COG1: variants seen among roughly 807,000 people sequenced by gnomAD.
COG1 encodes conserved oligomeric Golgi complex subunit 1.
COG1 carries 61 observed loss-of-function variants against 102.2 expected under a neutral mutation model. That is an observed-to-expected ratio of 0.60 (90% CI 0.49 to 0.74). The LOEUF is 0.74. Among genes scored for constraint, COG1 ranks in the 30% least tolerant of loss-of-function variants. COG1 has a pLI of 0.00. For synonymous variants in COG1, 454 were observed against 493.6 expected, an observed-to-expected ratio of 0.92 and a Z score of 1.06; for missense variants, 1,164 against 1,232.1, an observed-to-expected ratio of 0.94 and a Z score of 0.83.
At chr17:73,195,003 A>C (rs556646103) in intron 1 of COG1, among the ~76,000 whole-genome samples, 92 of 152,248 alleles carry the variant, frequency 6.0e-4, no homozygotes, top group Non-Finnish European at 1.1e-3. Flanking sequence ...ATAAGTTTGC[A>C]TATTTTTGAA....
At chr17:73,195,783 C>T (rs1044687190) in intron 1 of COG1, among the ~76,000 whole-genome samples, 2 of 152,268 alleles carry the variant, frequency 1.3e-5, no homozygotes, top group Middle Eastern at 3.4e-3. Flanking sequence ...CGTGGCGACA[C>T]GCACCTGCGA....
At chr17:73,205,806 G>A (rs1233353899) in intron 10 of COG1, 126 bp downstream of exon 10, 11 of 1,297,164 alleles carry the variant, frequency 8.5e-6, no homozygotes, top group Non-Finnish European at 1.1e-5. Context: ...TGAACAGTAA[G>A]TGCTCATATT....
chr17:73,199,339 A>AG (rs2061337119), intron 4 of COG1, among the ~76,000 whole-genome samples: 1 of 109,438 alleles, frequency 9.1e-6, no homozygotes, highest in Non-Finnish European at 2.1e-5. Context: ...AACCCCCAGG[A>AG]CTGCATAGCA....
At position 73,206,715 on chromosome 17, in the gene COG1, T is replaced by G. The variant is rs769216650; in HGVS notation, c.2627T>G (p.Phe876Cys). 6 of 1,612,462 alleles carry G rather than the reference T, an allele frequency of 3.7e-6. No individual in the cohort carries two copies. In the East Asian group the frequency reaches 1.3e-4, roughly 36 times the overall value. Residue 876 changes from phenylalanine (F) to cysteine (C), a missense_variant, in exon 12 of 14, where the codon TTT becomes TGT. By Grantham distance (205) the Phe-to-Cys change is radical (BLOSUM62 -2). Transcript: ENST00000299886. ...CCACCTCTTGTCTGCCAGGTTCTGT[T>G]TGGATTGGTGACTGGTACAGAGAAT... The part of the protein sequence containing the change: ...HRLVQRTSVL[F>C]GLVTGTENQL...
rs1568295349 is a variant in COG1, at chr17:73,197,217, T to A, written c.743-9T>A. On this transcript the variant is annotated splice_polypyrimidine_tract_variant and intron_variant, in intron 3 of 13. Transcript: ENST00000299886. Reference sequence around the variant, plus strand: ...TAATTGTTTCAAAGAGGATGGTTTCTTCTTTTAGGTGCTGGTATCAAGGCT... The same window carrying A: ...TAATTGTTTCAAAGAGGATGGTTTCATCTTTTAGGTGCTGGTATCAAGGCT... 3.7e-6 allele frequency: 6 copies of A among 1,614,228 alleles called. No individual in the cohort carries two copies. Among genetic ancestry groups the A allele is most frequent in the Admixed American group, 1.7e-5 (1 of 60,030 alleles).
At position 73,197,297 on chromosome 17, in the gene COG1, C is replaced by A. The variant is rs780821062; in HGVS notation, c.814C>A (p.Leu272Ile). 6.8e-6 allele frequency: 11 copies of A among 1,614,114 alleles called. No individual in the cohort carries two copies. The highest frequency in any genetic ancestry group is 3.3e-5 in the Admixed American group (2 of 60,002). The change falls in exon 4 of 14, where the codon CTT (leucine) becomes ATT (isoleucine). Residue 272 changes from leucine (L) to isoleucine (I), a missense_variant. Transcript: ENST00000299886. ...CACCACTCTGAAGCAAGCTCATGCC[C>A]TTTTCTACACTTTGCCAGAAGGACT... ...LATTLKQAHA[L>I]FYTLPEGLLP...
Position 73,203,736 on chromosome 17 carries a change from C to G in COG1, c.2325C>G (p.Ser775Arg). ...TGACATTACAGGAGATGCTGAAAAG[C>G]TGTATGGTTCAAGTAGTAGCTGCCT... ...PKVTLQEMLK[S>R]CMVQVVAAYE... Residue 775 changes from serine (S) to arginine (R), a missense_variant, in exon 9 of 14, where the codon AGC becomes AGG. Transcript: ENST00000299886. 6.2e-7 allele frequency: 1 copy of G among 1,614,186 alleles called. No homozygotes were observed. Among genetic ancestry groups the G allele is most frequent in the Non-Finnish European group, 8.5e-7 (1 of 1,180,026 alleles).
In COG1 at chr17:73,206,768, A is replaced by G. The variant is rs1249454451; in HGVS notation, c.2680A>G (p.Asn894Asp). ...GCTCGCCCCCCGGAGCAGTACGTTC[A>G]ACTCCCAAGAACCCCATAACATCCT... ...NQLAPRSSTF[N>D]SQEPHNILPL... The change falls in exon 12 of 14, where the codon AAC (asparagine) becomes GAC (aspartate). Residue 894 changes from asparagine (N) to aspartate (D), a missense_variant. Physicochemically the swap from Asn to Asp is conservative, Grantham distance 23. Transcript: ENST00000299886. 6.2e-7 allele frequency: 1 copy of G among 1,613,376 alleles called. No homozygotes were observed.
rs1362321532 is a variant in COG1, at chr17:73,201,250, C to G, written c.1423C>G (p.Leu475Val). 1.2e-6 allele frequency: 2 copies of G among 1,614,090 alleles called. No homozygotes were observed. The highest frequency in any genetic ancestry group is 1.3e-5 in the African/African-American group (1 of 74,936). The change falls in exon 7 of 14, where the codon CTC (leucine) becomes GTC (valine). Residue 475 changes from leucine (L) to valine (V), a missense_variant. Transcript: ENST00000299886. ...IHFEYNMSLF[L>V]WSESPNDLPS... is the part of the protein sequence containing the mutation. ...CTTTGAGTACAACATGTCGCTCTTC[C>G]TCTGGTCTGAGAGTCCTAATGACCT...
rs760581618 is a variant in COG1 at position 73,206,806 on chromosome 17, C to T, written c.2718C>T (p.Ser906=). The T allele has an allele frequency of 6.2e-7, 1 of 1,613,304 alleles. No individual in the cohort carries two copies. The highest frequency in any genetic ancestry group is 1.7e-5 in the Admixed American group (1 of 59,988). The change falls in exon 12 of 14, where the codon TCC becomes TCT. Residue 906 remains serine, a synonymous_variant. Transcript: ENST00000299886. The part of the protein sequence containing the change: ...QEPHNILPLA[S]SQIRFGLLPL... The stretch of plus-strand genomic sequence containing the variant: ...CCCATAACATCCTGCCACTGGCATC[C>T]AGTCAGATCAGGTAAAGGCTGCCAA...
At position 73,205,609 on chromosome 17, in the gene COG1, G is replaced by A; in HGVS notation, c.2439G>A (p.Leu813=). The part of the protein sequence containing the change: ...QNRALQLLYD[L]RYLNIVLTAK... ...GGGCGCTGCAGCTGCTTTATGATCT[G>A]CGTTACCTCAACATTGTTCTGACAG... Residue 813 remains leucine (L), a synonymous_variant, in exon 10 of 14, where the codon CTG becomes CTA. Transcript: ENST00000299886. 5 of 1,614,162 alleles carry A rather than the reference G, an allele frequency of 3.1e-6. No homozygotes were observed. Among genetic ancestry groups the A allele is most frequent in the Admixed American group, 1.7e-5 (1 of 60,012 alleles).
Position 73,200,687 on chromosome 17 carries a change from A to AGCTGGGATGT in COG1, c.1196_1205dup (p.Cys403GlyfsTer25). ...ACTTACCAATGAGTCCACCAATCAC[A>AGCTGGGATGT]GCTGGGATGTGCTATGTCGGCGGCT... is the stretch of plus-strand genomic sequence containing the variant. On this transcript the variant is annotated frameshift_variant, in exon 6 of 14. Coordinates refer to ENST00000299886, the MANE Select transcript of COG1 (RefSeq NM_018714.3). LOFTEE classifies it high-confidence loss of function. The AGCTGGGATGT allele has an allele frequency of 6.2e-7, 1 of 1,614,198 alleles. No individual in the cohort carries two copies. Among genetic ancestry groups the AGCTGGGATGT allele is most frequent in the South Asian group, 1.1e-5 (1 of 91,086 alleles).
At chr17:73,207,628 T>C (rs2061385213) in intron 13 of COG1, 2 of 1,129,176 alleles carry the variant, frequency 1.8e-6, no homozygotes, top group Non-Finnish European at 2.4e-6. Context: ...TCCCTTTTAG[T>C]TGGGTGGGAA....
rs367884440 is a variant in COG1, at chr17:73,197,274, C to T, written c.791C>T (p.Thr264Ile). Residue 264 changes from threonine to isoleucine, a missense_variant, in exon 4 of 14, where the codon ACC becomes ATC. Thr to Ile is a moderately conservative substitution (Grantham distance 89). Transcript: ENST00000299886. ...QICSLVELLA[T>I]TLKQAHALFY... ...TGCTCATTAGTGGAGTTGCTGGCCA[C>T]CACTCTGAAGCAAGCTCATGCCCTT... 2.0e-5 allele frequency: 33 copies of T among 1,614,224 alleles called. No homozygotes were observed. The East Asian group carries it at 5.3e-4, about 26-fold the overall frequency.
At position 73,206,259 on chromosome 17, in the gene COG1, T is replaced by A. The variant is rs1420821151; in HGVS notation, c.2616T>A (p.Thr872=). 1.9e-6 allele frequency: 3 copies of A among 1,613,300 alleles called. No individual in the cohort carries two copies. The African/African-American group carries it at 4.0e-5, about 22-fold the overall frequency. ...ACCTTCATCGCCTGGTGCAGCGAAC[T>A]TCTGTGAGTCAAATCAAAAACATGC... is the stretch of plus-strand genomic sequence containing the variant. The part of the protein sequence containing the change: ...NSNLHRLVQR[T]SVLFGLVTGT... Residue 872 remains threonine (T), a synonymous_variant, in exon 11 of 14, where the codon ACT becomes ACA. Transcript: ENST00000299886.
rs1232713937 is a variant in COG1 at position 73,201,887 on chromosome 17, G to A, written c.2060G>A (p.Ser687Asn). 1.5e-5 allele frequency: 25 copies of A among 1,614,026 alleles called. No individual in the cohort carries two copies. The highest frequency in any genetic ancestry group is 1.8e-5 in the Non-Finnish European group (21 of 1,180,022). The change falls in exon 7 of 14, where the codon AGT becomes AAT. Residue 687 changes from serine to asparagine, a missense_variant. Physicochemically the swap from Ser to Asn is conservative, Grantham distance 46. Transcript: ENST00000299886. ...GTGATGGGCTACCAGGTCTGGAGCA[G>A]TGCAGTTGTGAAAGTGAGTGATGTA... ...QSVMGYQVWS[S>N]AVVKVLIHGF...
chr17:73,193,268 G>C lies in COG1; in HGVS notation c.199G>C (p.Gly67Arg). 6.2e-7 allele frequency: 1 copy of C among 1,605,810 alleles called. No homozygotes were observed. The highest frequency in any genetic ancestry group is 8.5e-7 in the Non-Finnish European group (1 of 1,177,194). Residue 67 changes from glycine (G) to arginine (R), a missense_variant, in exon 1 of 14, where the codon GGC (glycine) becomes CGC (arginine). Gly to Arg is a moderately radical substitution (Grantham distance 125, BLOSUM62 -2). Coordinates refer to ENST00000299886, the MANE Select transcript of COG1 (RefSeq NM_018714.3). ...RDLIEAADTI[G>R]QMRRCAVGLV... ...CCTGATCGAGGCGGCCGACACCATC[G>C]GCCAGATGCGCCGCTGCGCCGTGGG...
At chr17:73,194,396 C>G (rs2061316801) in intron 1 of COG1, among the ~76,000 whole-genome samples, 1 of 130,456 alleles carries the variant, frequency 7.7e-6, no homozygotes, top group Non-Finnish European at 1.7e-5. Context: ...GAGCCGAGAT[C>G]GCGCCACTGC....
At position 73,201,417 on chromosome 17, in the gene COG1, T is replaced by G; in HGVS notation, c.1590T>G (p.Asp530Glu). 17 of 1,614,216 alleles carry G rather than the reference T, an allele frequency of 1.1e-5. No homozygotes were observed. Among genetic ancestry groups the G allele is most frequent in the Non-Finnish European group, 1.4e-5 (16 of 1,180,028 alleles). Residue 530 changes from aspartate to glutamate, a missense_variant, in exon 7 of 14, where the codon GAT becomes GAG. Coordinates refer to ENST00000299886, the MANE Select transcript of COG1 (RefSeq NM_018714.3). The part of the protein sequence containing the change: ...ALDSKLKVKL[D>E]DLLAYLPSDD... ...ATTCTAAGCTGAAGGTTAAACTAGA[T>G]GACCTCCTGGCTTACCTCCCCTCTG...
Sources: gnomAD v4.1 joint callset for allele counts (sites outside exome capture counted in the v4.1 genomes callset) on GRCh38, gnomAD v4.1.1 for gene constraint, MANE v1.5 for transcripts, NCBI Gene and HGNC (gene_info 2026-07-23, HGNC 2026-07-21) for gene names.